Variants in SCGB2B2 observed in about 807,000 individuals in gnomAD.
The protein encoded by SCGB2B2 is secretoglobin family 2B member 2.
Under a neutral mutation model 7.6 loss-of-function variants are expected in SCGB2B2, and 11 were observed. The ratio of observed to expected loss-of-function variants is 1.45; its 90% CI spans 0.91 to 2.40. The LOEUF is 2.40. SCGB2B2 is among the 30% of genes most tolerant of loss of function. The pLI is 0.00. For synonymous variants in SCGB2B2, 50 were observed against 48.6 expected, an observed-to-expected ratio of 1.03 and a Z score of -0.12; for missense variants, 104 against 115.4, an observed-to-expected ratio of 0.90 and a Z score of 0.45.
chr19:34,656,228 A>G (rs545386522), intron 1 of SCGB2B2, among the ~76,000 whole-genome samples: 1 of 151,570 alleles, frequency 6.6e-6, no homozygotes, highest in South Asian at 2.1e-4. Flanking sequence ...TAACACATTC[A>G]GAGCCTAAGG....
chr19:34,602,823 G>A (rs1600040114), intron 1 of SCGB2B2, among the ~76,000 whole-genome samples: 1 of 151,956 alleles, frequency 6.6e-6, no homozygotes, highest in Admixed American at 6.6e-5. Flanking sequence ...TTTTAACTTT[G>A]CTCACCCCAC....
At chr19:34,619,642 T>C (rs554663263) in intron 1 of SCGB2B2, among the ~76,000 whole-genome samples, 1 of 152,224 alleles carries the variant, frequency 6.6e-6, no homozygotes, top group South Asian at 2.1e-4. Flanking sequence ...AAGCAATAAA[T>C]GGCAAAAAGT....
At chr19:34,658,201 G>A (rs917624139) in intron 1 of SCGB2B2, among the ~76,000 whole-genome samples, 2 of 152,012 alleles carry the variant, frequency 1.3e-5, no homozygotes, top group Admixed American at 6.5e-5. Flanking sequence ...AGATTCAAGA[G>A]CAAACAAATT....
intron 1 of SCGB2B2, among the ~76,000 whole-genome samples, chr19:34,600,940 T>TGC (rs58420990): frequency 6.6e-6 from 1 of 151,036 alleles, no homozygotes; most frequent in Non-Finnish European, 1.5e-5. Context: ...TGTGTGTGTG[T>TGC]GCATTTTGTT....
Position 34,671,180 on chromosome 19 carries a change from C to T in SCGB2B2, c.-2032+4450G>A, listed in dbSNP as rs371078062. Among the ~76,000 whole-genome samples the T allele has an allele frequency of 3.9e-5, 6 of 152,312 alleles. No homozygotes were observed. The East Asian group carries it at 1.2e-3, about 29-fold the overall frequency. The stretch of plus-strand genomic sequence containing the variant: ...ACACCCACCTTGGCCTCCCAAAGTG[C>T]TGGGATTAAGGGCTGAGCTACTGCA... On this transcript the variant is annotated intron_variant, in intron 1 of 3. Coordinates refer to ENST00000601241, the MANE Select transcript of SCGB2B2 (RefSeq NM_001025591.4).
intron 1 of SCGB2B2, among the ~76,000 whole-genome samples, chr19:34,620,909 CA>C (rs1336420144): frequency 1.3e-5 from 2 of 151,100 alleles, no homozygotes; most frequent in African/African-American, 4.9e-5. Flanking sequence ...AATCTATATG[CA>C]AAAAAAGAGA....
intron 1 of SCGB2B2, among the ~76,000 whole-genome samples, chr19:34,625,066 T>C (rs554929931): frequency 2.2e-4 from 34 of 152,228 alleles, no homozygotes; most frequent in Non-Finnish European, 3.8e-4. Context: ...ACTCAGAGTA[T>C]TATCTGCTTA....
chr19:34,643,067 C>T (rs923806112), intron 1 of SCGB2B2, among the ~76,000 whole-genome samples: 3 of 152,056 alleles, frequency 2.0e-5, no homozygotes, highest in East Asian at 1.9e-4. Flanking sequence ...GTTATCTATC[C>T]GAAAAGGAGG....
chr19:34,605,443 C>T (rs2065749789), intron 1 of SCGB2B2, among the ~76,000 whole-genome samples: 1 of 152,198 alleles, frequency 6.6e-6, no homozygotes, highest in Admixed American at 6.5e-5. Context: ...TGGCCACCAG[C>T]TTGTTCTTCA....
chr19:34,597,418 C>T (rs189694580), intron 1 of SCGB2B2, among the ~76,000 whole-genome samples: 432 of 150,854 alleles, frequency 2.9e-3, no homozygotes, highest in Middle Eastern at 0.014. Context: ...AGGGAAGTCA[C>T]CAGGCTGGAG....
chr19:34,655,233 T>C (rs551571532), intron 1 of SCGB2B2, among the ~76,000 whole-genome samples: 1 of 151,304 alleles, frequency 6.6e-6, no homozygotes, highest in Non-Finnish European at 1.5e-5. Context: ...TTATACCCAA[T>C]TCCCTTTTGG....
At chr19:34,607,310 T>C (rs1427616022) in intron 1 of SCGB2B2, among the ~76,000 whole-genome samples, 2 of 152,228 alleles carry the variant, frequency 1.3e-5, no homozygotes, top group South Asian at 2.1e-4. Flanking sequence ...GACAGATAGA[T>C]AGCTTTTGTG....
At chr19:34,661,112 C>T (rs1208357872) in intron 1 of SCGB2B2, among the ~76,000 whole-genome samples, 8 of 74,934 alleles carry the variant, frequency 1.1e-4, no homozygotes, top group South Asian at 5.0e-4. Flanking sequence ...TATCACATGT[C>T]GGGGCCTGTC....
At chr19:34,631,136 G>T in intron 1 of SCGB2B2, among the ~76,000 whole-genome samples, 1 of 112,098 alleles carries the variant, frequency 8.9e-6, no homozygotes, top group African/African-American at 3.4e-5. Flanking sequence ...AGGGGGGAGG[G>T]ATGGCATTAG....
In SCGB2B2 at chr19:34,592,583, G is replaced by A. The variant is rs1485204709; in HGVS notation, c.*972C>T. The stretch of plus-strand genomic sequence containing the variant: ...CAAGGAGCCTGCGGAAAGGGCTTGA[G>A]GTTTGGGGAGGGACCTCCCCCAGAA... On this transcript the variant is annotated 3_prime_UTR_variant, in exon 4 of 4. Coordinates refer to ENST00000601241, the MANE Select transcript of SCGB2B2 (RefSeq NM_001025591.4). Among the ~76,000 whole-genome samples, 1 of 152,134 alleles carries A rather than the reference G, an allele frequency of 6.6e-6. No homozygotes were observed. Among genetic ancestry groups the A allele is most frequent in the African/African-American group, 2.4e-5 (1 of 41,418 alleles).
Position 34,593,397 on chromosome 19 carries a change from T to C in SCGB2B2, c.*158A>G. 1 of 603,096 alleles carries C rather than the reference T, an allele frequency of 1.7e-6. No homozygotes were observed. The highest frequency in any genetic ancestry group is 3.0e-6 in the Non-Finnish European group (1 of 336,806). The allele number at this position is 603,096 out of a possible 1,614,324, so 37.4% of individuals were successfully genotyped here. On this transcript the variant is annotated 3_prime_UTR_variant, in exon 4 of 4. Transcript: ENST00000601241. ...ACTGGGACCCTGGTCACACTCTGCA[T>C]ATGCGGTCACAGCCAACCCCACACA... is the stretch of plus-strand genomic sequence containing the variant.
intron 1 of SCGB2B2, among the ~76,000 whole-genome samples, chr19:34,610,360 TGAAA>T (rs1568431149): frequency 1.3e-4 from 20 of 152,202 alleles, no homozygotes; most frequent in African/African-American, 4.8e-4. Flanking sequence ...ATAAAAGTGA[TGAAA>T]GTGGCCATTC....
At chr19:34,611,858 T>G (rs1050657680) in intron 1 of SCGB2B2, among the ~76,000 whole-genome samples, 1 of 151,760 alleles carries the variant, frequency 6.6e-6, no homozygotes, top group Admixed American at 6.6e-5. Flanking sequence ...TTCACTATAT[T>G]GGGCTAGGCT....
intron 1 of SCGB2B2, among the ~76,000 whole-genome samples, chr19:34,607,543 C>CAG (rs1487431904): frequency 1.3e-5 from 2 of 152,190 alleles, no homozygotes; most frequent in Non-Finnish European, 1.5e-5. Context: ...TTCATAAAGG[C>CAG]TGTACCATTT....
Sources: allele counts gnomAD v4.1 joint callset (sites outside exome capture counted in the v4.1 genomes callset), GRCh38; gene constraint gnomAD v4.1.1; transcripts MANE v1.5; gene names NCBI Gene and HGNC (gene_info 2026-07-23, HGNC 2026-07-21).